The following BCL2 variants were observed in gnomAD, a reference collection of about 807,000 sequenced individuals.
BCL2 encodes apoptosis regulator Bcl-2.
A neutral mutation model predicts 14.2 loss-of-function variants in BCL2; 1 was observed. The ratio of observed to expected loss-of-function variants is 0.07; its 90% CI spans 0.02 to 0.33. The LOEUF (loss-of-function observed/expected upper bound fraction) is 0.33. BCL2 is among the 10% of genes least tolerant of loss of function. The probability of loss-of-function intolerance (pLI) is 0.99; values close to 1 mark genes in which losing one functional copy is unlikely to be tolerated. For missense variants in BCL2, 247 were observed against 305.9 expected (o/e 0.81, Z 1.44); for synonymous variants, 151 against 137.2 (o/e 1.10, Z -0.70).
chr18:63,271,112 G>A (rs1401225013), intron 2 of BCL2, among the ~76,000 whole-genome samples: 1 of 152,228 alleles, frequency 6.6e-6, no homozygotes, highest in African/African-American at 2.4e-5. Flanking sequence ...ATGAGCCACT[G>A]CGCCTGGCCA....
intron 2 of BCL2, among the ~76,000 whole-genome samples, chr18:63,205,400 G>A (rs977330597): frequency 6.6e-6 from 1 of 152,142 alleles, no homozygotes; most frequent in African/African-American, 2.4e-5. Context: ...CTCAATAACT[G>A]TTTGTTGAGT....
chr18:63,280,183 G>T (rs1251546511), intron 2 of BCL2, among the ~76,000 whole-genome samples: 1 of 152,146 alleles, frequency 6.6e-6, no homozygotes, highest in Non-Finnish European at 1.5e-5. Flanking sequence ...ATGCCAAACT[G>T]CATGAGATCA....
chr18:63,158,636 T>C (rs899413495), intron 2 of BCL2, among the ~76,000 whole-genome samples: 3 of 152,214 alleles, frequency 2.0e-5, no homozygotes, highest in Non-Finnish European at 4.4e-5. Context: ...AATAAGGTAT[T>C]GCCTGAAACC....
intron 2 of BCL2, chr18:63,208,257 T>C (rs368606389): frequency 6.6e-6 from 1 of 152,328 alleles, no homozygotes; most frequent in African/African-American, 2.4e-5. Flanking sequence ...GATGAACAGG[T>C]ATAAACAAGG....
At chr18:63,147,662 C>T (rs2144604182) in intron 2 of BCL2, among the ~76,000 whole-genome samples, 1 of 152,318 alleles carries the variant, frequency 6.6e-6, no homozygotes, top group South Asian at 2.1e-4. Flanking sequence ...GATACTCCGA[C>T]AGCTCAAATG....
At chr18:63,188,141 A>T (rs1298859386) in intron 2 of BCL2, among the ~76,000 whole-genome samples, 1 of 152,218 alleles carries the variant, frequency 6.6e-6, no homozygotes, top group Non-Finnish European at 1.5e-5. Context: ...AATCCAAAGC[A>T]TGTTTTCTAT....
At chr18:63,287,076 T>C (rs935813763) in intron 2 of BCL2, among the ~76,000 whole-genome samples, 1 of 152,198 alleles carries the variant, frequency 6.6e-6, no homozygotes, top group East Asian at 1.9e-4. Flanking sequence ...TCTCCGTCTC[T>C]CACTTCTCTC....
chr18:63,265,655 T>G (rs1274948435), intron 2 of BCL2, among the ~76,000 whole-genome samples: 1 of 151,986 alleles, frequency 6.6e-6, no homozygotes, highest in African/African-American at 2.4e-5. Flanking sequence ...AAAATAAAAA[T>G]TTTCTGCATG....
chr18:63,181,214 C>T (rs1915474333), intron 2 of BCL2, among the ~76,000 whole-genome samples: 1 of 152,196 alleles, frequency 6.6e-6, no homozygotes, highest in East Asian at 1.9e-4. Context: ...CTCAGTTTGA[C>T]TTGTAAATGA....
In BCL2 at chr18:63,319,280, T is replaced by C. The variant is rs1913618378; in HGVS notation, c.-393A>G. On this transcript the variant is annotated 5_prime_UTR_variant, in exon 1 of 3. Transcript: ENST00000333681. ...ATCAATCTTCAGCACTCTCCAGTTA[T>C]AGCTGATTTGAAACTTCCCAATGAA... 1 of 230,404 alleles carries C rather than the reference T, an allele frequency of 4.3e-6. No individual in the cohort carries two copies. The highest frequency in any genetic ancestry group is 1.3e-3 in the Middle Eastern group (1 of 776). The allele number at this position is 230,404 out of a possible 1,614,324, so 14.3% of individuals were successfully genotyped here.
intron 2 of BCL2, among the ~76,000 whole-genome samples, chr18:63,305,181 A>G (rs567329150): frequency 2.6e-4 from 40 of 152,346 alleles, no homozygotes; most frequent in African/African-American, 8.9e-4. Flanking sequence ...CGAAGAAGGG[A>G]AAGTAACCAG....
intron 2 of BCL2, among the ~76,000 whole-genome samples, chr18:63,210,656 G>A (rs1008436002): frequency 2.0e-5 from 3 of 152,182 alleles, no homozygotes; most frequent in African/African-American, 7.2e-5. Context: ...TATTTTATCT[G>A]AGTTTCAGTT....
intron 2 of BCL2, among the ~76,000 whole-genome samples, chr18:63,298,329 C>T (rs1170845944): frequency 2.0e-5 from 3 of 152,312 alleles, no homozygotes; most frequent in Admixed American, 6.5e-5. Flanking sequence ...CAGATTCTGG[C>T]CCATGGGCCA....
chr18:63,164,375 C>T (rs1914991468), intron 2 of BCL2, among the ~76,000 whole-genome samples: 1 of 152,220 alleles, frequency 6.6e-6, no homozygotes, highest in African/African-American at 2.4e-5. Context: ...TATGATCTGG[C>T]AGCCCCAGAC....
At chr18:63,245,965 G>A (rs1447458050) in intron 2 of BCL2, among the ~76,000 whole-genome samples, 1 of 152,132 alleles carries the variant, frequency 6.6e-6, no homozygotes. Flanking sequence ...TTTCCTCTAA[G>A]AAATGGAGTC....
chr18:63,224,822 A>T (rs550649864), intron 2 of BCL2, among the ~76,000 whole-genome samples: 1 of 152,352 alleles, frequency 6.6e-6, no homozygotes, highest in East Asian at 1.9e-4. Context: ...AAGGCATATG[A>T]AGGCTGTTAC....
intron 2 of BCL2, among the ~76,000 whole-genome samples, chr18:63,187,185 T>G (rs1484067628): frequency 6.6e-6 from 1 of 152,184 alleles, no homozygotes; most frequent in Non-Finnish European, 1.5e-5. Context: ...TGGCCAGATA[T>G]GAGAGATTTT....
intron 2 of BCL2, among the ~76,000 whole-genome samples, chr18:63,137,118 C>T (rs1165515500): frequency 6.6e-6 from 1 of 152,236 alleles, no homozygotes; most frequent in Non-Finnish European, 1.5e-5. Context: ...TGCTTCCATG[C>T]TTAAGTCTAA....
intron 2 of BCL2, among the ~76,000 whole-genome samples, chr18:63,263,045 A>G (rs1367767763): frequency 6.6e-6 from 1 of 152,200 alleles, no homozygotes; most frequent in Non-Finnish European, 1.5e-5. Context: ...AAGAGAGGAG[A>G]TAACTGAAGA....
Sources: allele counts gnomAD v4.1 joint callset (sites outside exome capture counted in the v4.1 genomes callset), GRCh38; gene constraint gnomAD v4.1.1; transcripts MANE v1.5; gene names NCBI Gene and HGNC (gene_info 2026-07-23, HGNC 2026-07-21).